Variants in SNIP1 observed in about 807,000 individuals in gnomAD.
The protein encoded by SNIP1 is Smad nuclear interacting protein 1, also known as smad nuclear-interacting protein 1.
SNIP1 carries 23 observed loss-of-function variants against 37.4 expected under a neutral mutation model. The ratio of observed to expected loss-of-function variants is 0.61; its 90% CI spans 0.44 to 0.87. The LOEUF (loss-of-function observed/expected upper bound fraction) is 0.87. Ranked by LOEUF, SNIP1 falls within the 40% of genes least tolerant of loss-of-function variation. The pLI is 0.00. For missense variants in SNIP1, 459 were observed against 540.4 expected, an observed-to-expected ratio of 0.85 and a Z score of 1.49; for synonymous variants, 174 against 200.0, an observed-to-expected ratio of 0.87 and a Z score of 1.10.
rs144543121 is a variant in SNIP1, at chr1:37,540,526, C to T, written c.557G>A (p.Arg186Gln). The change falls in exon 3 of 4, where the codon CGA (arginine) becomes CAA (glutamine). Residue 186 changes from arginine to glutamine, a missense_variant. By Grantham distance (43) the Arg-to-Gln change is conservative. Transcript: ENST00000296215. The surrounding 1 kb of genome is among the most constrained non-coding windows in gnomAD (Gnocchi z 5.6). ...GTCATTCCTCTGGCGATGCTCCCGT[C>T]GCCTGGCATTATAAAACTCCCGCTC... ...EEEREFYNAR[R>Q]REHRQRNDVG... 65 of 1,614,120 alleles carry T rather than the reference C, an allele frequency of 4.0e-5. No homozygotes were observed. The highest frequency in any genetic ancestry group is 2.5e-4 in the Admixed American group (15 of 60,008).
At chr1:37,542,815 C>A (rs1302407891) in intron 2 of SNIP1, among the ~76,000 whole-genome samples, 2 of 152,020 alleles carry the variant, frequency 1.3e-5, no homozygotes, top group Non-Finnish European at 2.9e-5. Flanking sequence ...CAGTGGGTCA[C>A]GCCTGTAATC....
intron 2 of SNIP1, among the ~76,000 whole-genome samples, chr1:37,541,798 A>C (rs556476842): frequency 9.8e-5 from 15 of 152,326 alleles, no homozygotes; most frequent in Admixed American, 3.9e-4. Context: ...CTGCCATCAA[A>C]TGCAACACAT....
At position 37,539,665 on chromosome 1, in the gene SNIP1, G is replaced by A. The variant is rs898818582; in HGVS notation, c.926+492C>T. Among the ~76,000 whole-genome samples the A allele has an allele frequency of 4.6e-5, 7 of 152,134 alleles. No homozygotes were observed. The East Asian group carries it at 5.8e-4, about 13-fold the overall frequency. On this transcript the variant is annotated intron_variant, in intron 3 of 3. Transcript: ENST00000296215. ...GCAGAGGTTGCAGTGAGTTGAGATCGCGCCACTGCACTCCAGCCTGGGCAC... is the reference window on the plus strand; with the variant it reads ...GCAGAGGTTGCAGTGAGTTGAGATCACGCCACTGCACTCCAGCCTGGGCAC...
At chr1:37,544,712 G>A (rs1223904310) in intron 2 of SNIP1, 18 of 606,914 alleles carry the variant, frequency 3.0e-5, no homozygotes, top group Middle Eastern at 4.4e-4. Flanking sequence ...GGCCCCCGCC[G>A]CCACTCCAGC....
At chr1:37,538,729 G>C (rs535592222) in intron 3 of SNIP1, among the ~76,000 whole-genome samples, 4 of 152,182 alleles carry the variant, frequency 2.6e-5, no homozygotes, top group Admixed American at 6.5e-5. Context: ...TTGGACTTCA[G>C]AGTCAAGGGA....
intron 2 of SNIP1, chr1:37,544,636 C>A (rs530265741): frequency 7.5e-5 from 36 of 477,532 alleles, no homozygotes; most frequent in South Asian, 5.7e-4. Context: ...ACTCGTACCC[C>A]ACTCCGGCTG....
chr1:37,543,747 A>G (rs889935482), intron 2 of SNIP1, among the ~76,000 whole-genome samples: 1 of 152,168 alleles, frequency 6.6e-6, no homozygotes, highest in Non-Finnish European at 1.5e-5. Flanking sequence ...GGTAAAAAAA[A>G]AAAAAAGATT....
chr1:37,544,846 C>A, intron 2 of SNIP1: 1 of 798,708 alleles, frequency 1.3e-6, no homozygotes. Flanking sequence ...ATGCCTCCTA[C>A]ATCTACCTGT....
chr1:37,547,296 T>C (rs1234339697), intron 2 of SNIP1, among the ~76,000 whole-genome samples: 3 of 152,216 alleles, frequency 2.0e-5, no homozygotes, highest in African/African-American at 7.2e-5. Context: ...TCATAGTGAT[T>C]ACCTCTGGCA....
rs945398735 is a variant in SNIP1 at position 37,554,260 on chromosome 1, G to C, written c.-31C>G. 3.2e-6 allele frequency: 5 copies of C among 1,567,988 alleles called. No individual in the cohort carries two copies. Among genetic ancestry groups the C allele is most frequent in the South Asian group, 1.2e-5 (1 of 84,000 alleles). On this transcript the variant is annotated 5_prime_UTR_variant, in exon 1 of 4. In the 5' UTR this introduces an upstream ATG that the reference lacks. Coordinates refer to ENST00000296215, the MANE Select transcript of SNIP1 (RefSeq NM_024700.4). ...GATTTTGGCTGGGCGAAAGAAAACA[G>C]ATCAGTTGAGCTCCTCTAGCTGGAG... is the stretch of plus-strand genomic sequence containing the variant.
At chr1:37,551,269 C>A (rs77379872) in intron 2 of SNIP1, among the ~76,000 whole-genome samples, 1,388 of 107,338 alleles carry the variant, frequency 0.013, no homozygotes, top group African/African-American at 0.014. Context: ...GACTCTGTCT[C>A]AAAAAAAAAA....
chr1:37,542,343 T>C (rs1490946681), intron 2 of SNIP1, among the ~76,000 whole-genome samples: 2 of 152,230 alleles, frequency 1.3e-5, no homozygotes, highest in African/African-American at 2.4e-5. Context: ...AGTTGTTTTT[T>C]TCTGGAGTTT....
chr1:37,544,361 A>G (rs1643205209), intron 2 of SNIP1, among the ~76,000 whole-genome samples: 1 of 148,984 alleles, frequency 6.7e-6, no homozygotes, highest in Non-Finnish European at 1.5e-5. Flanking sequence ...CAGGAGAATC[A>G]CTTGAACTCG....
rs1643079181 is a variant in SNIP1 at position 37,535,420 on chromosome 1, CCTT to C, written c.*2325_*2327del. ...ACAAACAAACCAACAAAAAAACCCACCTTCTCAGATATGTGGCATAAAGAATTT... is the reference window on the plus strand; with the variant it reads ...ACAAACAAACCAACAAAAAAACCCACCTCAGATATGTGGCATAAAGAATTT... On this transcript the variant is annotated 3_prime_UTR_variant, in exon 4 of 4. Transcript: ENST00000296215. 1 of 151,322 alleles carries C rather than the reference CCTT, an allele frequency of 6.6e-6. No homozygotes were observed. The highest frequency in any genetic ancestry group is 1.5e-5 in the Non-Finnish European group (1 of 67,904). 9.4% of individuals were successfully genotyped at this position (151,322 alleles called of 1,614,324 possible). A position where few individuals can be genotyped will look rare whatever the true frequency, so the allele number is the denominator to read the frequency against.
rs1643103558 is a variant in SNIP1 at position 37,536,904 on chromosome 1, C to T, written c.*844G>A. ...GAATAAAGAAAGAACGCTGTCACAT[C>T]AGTGACAGTTTATTTCTCAAAGAAA... On this transcript the variant is annotated 3_prime_UTR_variant, in exon 4 of 4. Coordinates refer to ENST00000296215, the MANE Select transcript of SNIP1 (RefSeq NM_024700.4). 6.6e-6 allele frequency: 1 copy of T among 152,020 alleles called. No individual in the cohort carries two copies. The highest frequency in any genetic ancestry group is 1.5e-5 in the Non-Finnish European group (1 of 67,962). The allele number at this position is 152,020 out of a possible 1,614,324, so 9.4% of individuals were successfully genotyped here. A position where few individuals can be genotyped will look rare whatever the true frequency, so the allele number is the denominator to read the frequency against.
At chr1:37,552,824 A>T in intron 1 of SNIP1, 77 bp from the exon 2 acceptor site, 2 of 1,128,952 alleles carry the variant, frequency 1.8e-6, no homozygotes, top group Non-Finnish European at 1.4e-6. Context: ...TATCAGGCTT[A>T]CCTACTAACA....
intron 2 of SNIP1, chr1:37,545,218 G>A (rs569635788): frequency 4.3e-5 from 29 of 673,842 alleles, no homozygotes; most frequent in African/African-American, 2.1e-4. Flanking sequence ...ACCAACTTGC[G>A]CAAGATGAGG....
At chr1:37,550,044 AAAAC>A (rs1269728532) in intron 2 of SNIP1, among the ~76,000 whole-genome samples, 2 of 152,124 alleles carry the variant, frequency 1.3e-5, no homozygotes, top group African/African-American at 4.8e-5. Context: ...ATAGGCAAAA[AAAAC>A]AAAAACAAAA....
chr1:37,539,539 G>A (rs969522696), intron 3 of SNIP1, among the ~76,000 whole-genome samples: 10 of 152,080 alleles, frequency 6.6e-5, no homozygotes, highest in South Asian at 2.1e-4. Flanking sequence ...ATGAAACCCC[G>A]TCTCTACTAA....
Sources: allele counts gnomAD v4.1 joint callset (sites outside exome capture counted in the v4.1 genomes callset), GRCh38; gene constraint gnomAD v4.1.1; non-coding constraint Gnocchi (gnomAD v3.1); transcripts MANE v1.5; gene names NCBI Gene and HGNC (gene_info 2026-07-23, HGNC 2026-07-21).